PACS2: variants seen among roughly 807,000 people sequenced by gnomAD.
PACS2 encodes the protein phosphofurin acidic cluster sorting protein 2, also known as PACS1-like protein.
PACS2 carries 36 observed loss-of-function variants against 113.0 expected under a neutral mutation model. That is an observed-to-expected ratio of 0.32 (90% CI 0.24 to 0.42). The LOEUF (loss-of-function observed/expected upper bound fraction) is 0.42, where lower values mean the gene tolerates loss of function less well. PACS2 is among the 10% of genes least tolerant of loss of function. PACS2 has a pLI of 1.00. For missense variants in PACS2, 1,015 were observed against 1,239.5 expected (o/e 0.82, Z 2.72); for synonymous variants, 589 against 536.1 (o/e 1.10, Z -1.36).
At chr14:105,305,486 G>C (rs1050845782) in intron 1 of PACS2, among the ~76,000 whole-genome samples, 14 of 152,190 alleles carry the variant, frequency 9.2e-5, no homozygotes, top group Non-Finnish European at 1.3e-4. Flanking sequence ...TGCAGGAAGA[G>C]GGCACTGTCT....
chr14:105,325,174 G>C (rs965382412), intron 1 of PACS2, among the ~76,000 whole-genome samples: 23 of 151,650 alleles, frequency 1.5e-4, no homozygotes, highest in African/African-American at 4.6e-4. Flanking sequence ...TGGGACGGGG[G>C]GGGGCTCGGA....
At chr14:105,335,356 G>C (rs375712369) in intron 1 of PACS2, among the ~76,000 whole-genome samples, 43 of 146,412 alleles carry the variant, frequency 2.9e-4, no homozygotes, top group East Asian at 8.1e-4. Flanking sequence ...TGGCGTGGCT[G>C]TGACGCTGTG....
intron 2 of PACS2, among the ~76,000 whole-genome samples, chr14:105,349,800 CGT>C (rs1473904988): frequency 6.6e-5 from 10 of 151,636 alleles, no homozygotes; most frequent in Non-Finnish European, 7.4e-5. Context: ...CTTCCAGGAG[CGT>C]GTGGCTAATA....
intron 1 of PACS2, among the ~76,000 whole-genome samples, chr14:105,341,050 C>T (rs1555401470): frequency 6.6e-6 from 1 of 152,220 alleles, no homozygotes; most frequent in Non-Finnish European, 1.5e-5. Flanking sequence ...TAGAGACACC[C>T]GCTCCTGAGA....
intron 1 of PACS2, among the ~76,000 whole-genome samples, chr14:105,346,100 G>A (rs908666193): frequency 6.6e-6 from 1 of 152,298 alleles, no homozygotes; most frequent in Middle Eastern, 3.4e-3. Flanking sequence ...GGAATGAGTT[G>A]AAGGACTCTG....
intron 22 of PACS2, 127 bp from the exon 23 acceptor site, chr14:105,392,492 G>A (rs1004886868): frequency 5.2e-5 from 39 of 755,758 alleles, no homozygotes; most frequent in African/African-American, 3.8e-4. Context: ...CCAAGCACCC[G>A]GCCCTCCTCT....
intron 20 of PACS2, chr14:105,390,262 G>A (rs782784962): frequency 1.3e-5 from 7 of 527,150 alleles, no homozygotes; most frequent in African/African-American, 3.8e-5. Context: ...TCGGTGGGGC[G>A]AGGCCTCAGA....
intron 17 of PACS2, 21 bp from the exon 18 acceptor site, chr14:105,384,858 C>T: frequency 3.4e-6 from 5 of 1,484,880 alleles, no homozygotes; most frequent in Non-Finnish European, 4.6e-6. Flanking sequence ...CCTAACCCCC[C>T]ACCGCCTCCT....
At chr14:105,325,466 G>C (rs1378071175) in intron 1 of PACS2, among the ~76,000 whole-genome samples, 2 of 152,180 alleles carry the variant, frequency 1.3e-5, no homozygotes, top group Non-Finnish European at 2.9e-5. Context: ...CAGGTGGTCA[G>C]CTCGCTCGGT....
rs113138185 is a variant in PACS2 at position 105,358,545 on chromosome 14, A to G, written c.423+3368A>G. Among the ~76,000 whole-genome samples the G allele has an allele frequency of 0.016, 2,432 of 152,272 alleles. 65 individuals are homozygous for G. Among genetic ancestry groups the G allele is most frequent in the African/African-American group, 0.053 (2,208 of 41,556 alleles). Reference sequence around the variant, plus strand: ...GACCACCCTGGGGCTGCAGCCTGGGAGACGCAGGCATGCCAGCTGGTGGCC... The same window carrying G: ...GACCACCCTGGGGCTGCAGCCTGGGGGACGCAGGCATGCCAGCTGGTGGCC... On this transcript the variant is annotated intron_variant, in intron 4 of 24. Transcript: ENST00000447393. The surrounding 1 kb of genome is among the most constrained non-coding windows in gnomAD (Gnocchi z 4.9).
chr14:105,312,126 A>G (rs925882570), upstream of PACS2, among the ~76,000 whole-genome samples: 1 of 152,118 alleles, frequency 6.6e-6, no homozygotes, highest in African/African-American at 2.4e-5. Context: ...GGCTGAGGAG[A>G]TGAATGCGTT....
chr14:105,392,190 C>G (rs587685908), intron 22 of PACS2: 1 of 321,006 alleles, frequency 3.1e-6, no homozygotes, highest in African/African-American at 2.2e-5. Flanking sequence ...TGGAACTAAG[C>G]CATGGGGGGT....
chr14:105,335,036 C>T (rs1364450745), intron 1 of PACS2, among the ~76,000 whole-genome samples: 6 of 152,224 alleles, frequency 3.9e-5, no homozygotes, highest in Non-Finnish European at 7.3e-5. Flanking sequence ...CCTGGGCCTT[C>T]GGGTGACTGA....
rs183808992 is a variant in PACS2 at position 105,365,185 on chromosome 14, G to A, written c.424-2028G>A. On this transcript the variant is annotated intron_variant, in intron 4 of 24. Transcript: ENST00000447393. This position sits in a 1 kb window ranked among gnomAD's most constrained non-coding sequence, Gnocchi z 5.1. ...ACCCGGGAGGGTGGTCTCAGGGTCA[G>A]CAGGGGCAGGAGTGGGAATGGCCAC... is the stretch of plus-strand genomic sequence containing the variant. Among the ~76,000 whole-genome samples, 655 of 152,302 alleles carry A rather than the reference G, an allele frequency of 4.3e-3. 6 individuals carry two copies. The highest frequency in any genetic ancestry group is 0.016 in the East Asian group (82 of 5,170).
Position 105,385,668 on chromosome 14 carries a change from G to C in PACS2, c.2001-17G>C. 1 of 1,516,556 alleles carries C rather than the reference G, an allele frequency of 6.6e-7. No homozygotes were observed. The highest frequency in any genetic ancestry group is 8.8e-7 in the Non-Finnish European group (1 of 1,134,354). 93.9% of individuals were successfully genotyped at this position (1,516,556 alleles called of 1,614,324 possible). On this transcript the variant is annotated splice_polypyrimidine_tract_variant and intron_variant, in intron 18 of 24. Transcript: ENST00000447393. ...TCGTAACGTGTCTGTTTTCTCTTTT[G>C]GTGGCTTTCTGAAAAGGAAAAAGCA... is the stretch of plus-strand genomic sequence containing the variant.
chr14:105,314,691 C>T (rs1275204201), upstream of PACS2: 1 of 141,260 alleles, frequency 7.1e-6, no homozygotes, highest in African/African-American at 2.5e-5. Flanking sequence ...GCGCGCGGGG[C>T]GGCCGGGGGC....
In PACS2 at chr14:105,392,708, A is replaced by G; in HGVS notation, c.2345A>G (p.Lys782Arg). 6.2e-7 allele frequency: 1 copy of G among 1,613,008 alleles called. No individual in the cohort carries two copies. Among genetic ancestry groups the G allele is most frequent in the Non-Finnish European group, 8.5e-7 (1 of 1,179,982 alleles). ...GACAGGAAGAGGGACGCCGAGAAGA[A>G]GGACCTGCCTGTCACCAAAAACACG... is the stretch of plus-strand genomic sequence containing the variant. ...PADRKRDAEK[K>R]DLPVTKNTLK... The change falls in exon 23 of 25, where the codon AAG becomes AGG. Residue 782 changes from lysine to arginine, a missense_variant. By Grantham distance (26) the Lys-to-Arg change is conservative. Around this residue, in one of 3 missense-constraint regions of PACS2, gnomAD observed 859 missense variants for 1,056.8 expected, o/e 0.81. Coordinates refer to ENST00000447393, the MANE Select transcript of PACS2 (RefSeq NM_001100913.3).
At chr14:105,353,288 C>CT (rs2060299669) in intron 3 of PACS2, among the ~76,000 whole-genome samples, 7 of 125,132 alleles carry the variant, frequency 5.6e-5, no homozygotes, top group Admixed American at 7.9e-5. Flanking sequence ...ACGGGCCCCC[C>CT]CATCACTGTC....
chr14:105,331,656 A>G (rs1300679110), intron 1 of PACS2, among the ~76,000 whole-genome samples: 1 of 152,246 alleles, frequency 6.6e-6, no homozygotes, highest in Non-Finnish European at 1.5e-5. Context: ...TTAAAATGTG[A>G]AAGGCCTGTT....
Sources: allele counts gnomAD v4.1 joint callset (sites outside exome capture counted in the v4.1 genomes callset), GRCh38; gene constraint gnomAD v4.1.1; regional missense constraint gnomAD v4.1.1; non-coding constraint Gnocchi (gnomAD v3.1); transcripts MANE v1.5; gene names NCBI Gene and HGNC (gene_info 2026-07-23, HGNC 2026-07-21).